SHANK2: variants seen among roughly 807,000 people sequenced by gnomAD.
SHANK2 encodes the protein SH3 and multiple ankyrin repeat domains protein 2.
Under a neutral mutation model 133.7 loss-of-function variants are expected in SHANK2, and 43 were observed. That is an observed-to-expected ratio of 0.32 (90% confidence interval 0.25 to 0.41). The LOEUF (loss-of-function observed/expected upper bound fraction) is 0.41, where lower values mean the gene tolerates loss of function less well. SHANK2 is among the 10% of genes least tolerant of loss of function. SHANK2 has a pLI of 1.00. For synonymous variants in SHANK2, 1,017 were observed against 952.8 expected, an observed-to-expected ratio of 1.07 and a Z score of -1.24; for missense variants, 1,994 against 2,235.8, an observed-to-expected ratio of 0.89 and a Z score of 2.18.
intron 14 of SHANK2, among the ~76,000 whole-genome samples, chr11:70,723,584 A>G (rs1164222663): frequency 6.6e-6 from 1 of 152,220 alleles, no homozygotes; most frequent in Non-Finnish European, 1.5e-5. Context: ...CAGCTAAAGC[A>G]TGCCTCTCTC....
At chr11:70,718,171 C>T (rs192748661) in intron 14 of SHANK2, among the ~76,000 whole-genome samples, 57 of 152,324 alleles carry the variant, frequency 3.7e-4, no homozygotes, top group African/African-American at 6.0e-4. Flanking sequence ...TGATTCAACC[C>T]GGCTATTAGG....
intron 14 of SHANK2, among the ~76,000 whole-genome samples, chr11:70,758,395 C>G (rs1022669544): frequency 5.9e-5 from 9 of 152,220 alleles, no homozygotes; most frequent in Non-Finnish European, 8.8e-5. Flanking sequence ...TCCACCCCTC[C>G]GGATCTGGCA....
chr11:70,599,889 AAAAGAAAGAAAGAAAGAGAAAG>A (rs2060459797), intron 17 of SHANK2, among the ~76,000 whole-genome samples: 2 of 73,628 alleles, frequency 2.7e-5, no homozygotes, highest in African/African-American at 5.8e-5. Context: ...GAAAGAAAGA[AAAAGAAAGAAAGAAAGAGAAAG>A]AAAGAAAGAA....
At chr11:70,661,312 G>C (rs2061484199) in intron 16 of SHANK2, among the ~76,000 whole-genome samples, 1 of 152,136 alleles carries the variant, frequency 6.6e-6, no homozygotes, top group Non-Finnish European at 1.5e-5. Flanking sequence ...AGGGGCAGGA[G>C]GGAGAGAGAA....
chr11:70,908,785 C>A (rs1021983597), intron 10 of SHANK2, among the ~76,000 whole-genome samples: 1 of 152,198 alleles, frequency 6.6e-6, no homozygotes, highest in African/African-American at 2.4e-5. Flanking sequence ...CCACTTTCAG[C>A]GTTTGAAAGT....
At chr11:71,066,945 G>A (rs889375857) in intron 9 of SHANK2, among the ~76,000 whole-genome samples, 12 of 152,304 alleles carry the variant, frequency 7.9e-5, no homozygotes, top group African/African-American at 2.9e-4. Context: ...CCCTTCCCCA[G>A]TCAGTGGGTT....
At chr11:71,167,623 G>A (rs1555111275) in intron 2 of SHANK2, among the ~76,000 whole-genome samples, 1 of 147,056 alleles carries the variant, frequency 6.8e-6, no homozygotes, top group Non-Finnish European at 1.5e-5. Flanking sequence ...CGGCCGGGAA[G>A]AGGCGCCCCT....
intron 15 of SHANK2, among the ~76,000 whole-genome samples, chr11:70,688,670 GTGGATGATCTTGTCA>G (rs1945208754): frequency 6.6e-6 from 1 of 152,242 alleles, no homozygotes. Context: ...AGAGCTGAGA[GTGGATGATCTTGTCA>G]TGGGGCTGGC....
chr11:71,144,208 G>T (rs1555106301), intron 3 of SHANK2, among the ~76,000 whole-genome samples: 1 of 152,166 alleles, frequency 6.6e-6, no homozygotes, highest in Admixed American at 6.5e-5. Context: ...GTGGGGGAGG[G>T]AAAGTGTGCG....
intron 17 of SHANK2, among the ~76,000 whole-genome samples, chr11:70,627,261 C>T (rs768348819): frequency 2.6e-5 from 4 of 152,292 alleles, no homozygotes; most frequent in Admixed American, 2.0e-4. Flanking sequence ...GCTGCAGGGA[C>T]GTGTGTCACT....
intron 2 of SHANK2, among the ~76,000 whole-genome samples, chr11:71,151,126 C>A (rs1466798093): frequency 6.6e-6 from 1 of 152,174 alleles, no homozygotes; most frequent in African/African-American, 2.4e-5. Context: ...TCCAGGTACA[C>A]TGAGGCTCAC....
chr11:70,910,887 T>G (rs1950180825), intron 10 of SHANK2: 2 of 434,750 alleles, frequency 4.6e-6, no homozygotes, highest in African/African-American at 4.0e-5. Context: ...GTTTACATGT[T>G]GCTTGGTGGT....
At chr11:71,241,750 G>A (rs1162162042) in intron 1 of SHANK2, among the ~76,000 whole-genome samples, 1 of 152,176 alleles carries the variant, frequency 6.6e-6, no homozygotes, top group African/African-American at 2.4e-5. Context: ...CCCACACTCA[G>A]GGTCACCCCT....
At chr11:70,573,942 G>A (rs1325181463) in intron 17 of SHANK2, among the ~76,000 whole-genome samples, 3 of 152,206 alleles carry the variant, frequency 2.0e-5, no homozygotes, top group African/African-American at 7.2e-5. Flanking sequence ...CTGCCCCAGG[G>A]GCGGATGGCG....
chr11:70,469,210 A>T lies in SHANK2; in HGVS notation c.*3659T>A, dbSNP rs910917598. ...ACGTTTTGCATAATTCTGAAATAACATGCACGTATCCATTGATAAATTGAG... is the reference window on the plus strand; with the variant it reads ...ACGTTTTGCATAATTCTGAAATAACTTGCACGTATCCATTGATAAATTGAG... On this transcript the variant is annotated 3_prime_UTR_variant, in exon 26 of 26. Transcript: ENST00000601538. 6.6e-6 allele frequency: 1 copy of T among 152,312 alleles called. No individual in the cohort carries two copies. Among genetic ancestry groups the T allele is most frequent in the East Asian group, 1.9e-4 (1 of 5,200 alleles). 9.4% of individuals were successfully genotyped at this position (152,312 alleles called of 1,614,324 possible).
At chr11:71,168,659 C>A (rs558631951) in intron 2 of SHANK2, among the ~76,000 whole-genome samples, 4 of 152,152 alleles carry the variant, frequency 2.6e-5, no homozygotes, top group South Asian at 2.1e-4. Context: ...CCTGTCTCCA[C>A]CAAAAAAATA....
At chr11:71,246,934 C>T (rs1276757127) in intron 1 of SHANK2, among the ~76,000 whole-genome samples, 1 of 152,182 alleles carries the variant, frequency 6.6e-6, no homozygotes, top group Non-Finnish European at 1.5e-5. Context: ...ACCAACTGCG[C>T]CCCAGCAATG....
Position 70,793,716 on chromosome 11 carries a change from TCA to T in SHANK2, c.1777+4725_1777+4726del, listed in dbSNP as rs200319602. Among the ~76,000 whole-genome samples the T allele has an allele frequency of 9.3e-3, 1,416 of 152,318 alleles. 12 individuals carry two copies. The highest frequency in any genetic ancestry group is 0.014 in the Middle Eastern group (4 of 294). ...TGAGAAAGTGGAGCAACTGGAACTC[TCA>T]CACACTGCCGGTAGGAGAACAAAAT... On this transcript the variant is annotated intron_variant, in intron 14 of 25. Coordinates refer to ENST00000601538, the MANE Select transcript of SHANK2 (RefSeq NM_012309.5).
At chr11:71,213,373 C>A (rs1338158342) in intron 2 of SHANK2, among the ~76,000 whole-genome samples, 1 of 152,192 alleles carries the variant, frequency 6.6e-6, no homozygotes, top group African/African-American at 2.4e-5. Flanking sequence ...TTGCTCCAAC[C>A]TTTCACTATC....
Sources: gnomAD v4.1 joint callset for allele counts (sites outside exome capture counted in the v4.1 genomes callset) on GRCh38, gnomAD v4.1.1 for gene constraint, MANE v1.5 for transcripts, NCBI Gene and HGNC (gene_info 2026-07-23, HGNC 2026-07-21) for gene names.